Variants in PPP6R2 observed in about 807,000 individuals in gnomAD.
PPP6R2 encodes serine/threonine-protein phosphatase 6 regulatory subunit 2.
In PPP6R2, 62 loss-of-function variants were observed where a neutral mutation model predicts 100.2. The ratio of observed to expected loss-of-function variants is 0.62; its 90% confidence interval spans 0.50 to 0.76. The LOEUF (loss-of-function observed/expected upper bound fraction) is 0.76. Among genes scored for constraint, PPP6R2 ranks in the 30% least tolerant of loss-of-function variants. The pLI, the probability that PPP6R2 is intolerant of heterozygous loss-of-function variation, is 0.00. For synonymous variants in PPP6R2, 525 were observed against 514.7 expected (o/e 1.02, Z -0.27); for missense variants, 1,142 against 1,276.3 (o/e 0.89, Z 1.60).
intron 1 of PPP6R2, among the ~76,000 whole-genome samples, chr22:50,351,579 G>A (rs28849110): frequency 1.3e-5 from 2 of 151,996 alleles, no homozygotes; most frequent in East Asian, 3.9e-4. Context: ...TGTCCTAGCT[G>A]GATCTTCCAG....
At chr22:50,338,524 G>GGT (rs1338549117), upstream of PPP6R2, among the ~76,000 whole-genome samples, 740 of 131,756 alleles carry the variant, frequency 5.6e-3, 9 homozygotes, top group African/African-American at 0.02. Flanking sequence ...GTGTGTGTGC[G>GGT]GTGTGTGTGT....
At chr22:50,332,316 C>T in the PPP6R2 span, among the ~76,000 whole-genome samples, 2 of 151,832 alleles carry the variant, frequency 1.3e-5, no homozygotes, top group Middle Eastern at 3.4e-3. Flanking sequence ...CAAGCTCCGC[C>T]TCCCAGGTTC....
At position 50,444,702 on chromosome 22, in the gene PPP6R2, G is replaced by T. The variant is rs1603429707; in HGVS notation, c.*455G>T. The T allele has an allele frequency of 5.4e-6, 1 of 186,684 alleles. No individual in the cohort carries two copies. The highest frequency in any genetic ancestry group is 2.4e-5 in the African/African-American group (1 of 41,698). 11.6% of individuals were successfully genotyped at this position (186,684 alleles called of 1,614,324 possible). A position where few individuals can be genotyped will look rare whatever the true frequency, so the allele number is the denominator to read the frequency against. On this transcript the variant is annotated 3_prime_UTR_variant, in exon 24 of 24. Coordinates refer to ENST00000612753, the MANE Select transcript of PPP6R2 (RefSeq NM_001242898.2). ...ACTTTGTATCCAGCTGCAAGCTCAG[G>T]GCAGAGTCAAGGGCCTGGGTTGGAA... is the stretch of plus-strand genomic sequence containing the variant.
At chr22:50,416,071 A>G in intron 5 of PPP6R2, 21 bp from the exon 6 acceptor site, 1 of 1,605,058 alleles carries the variant, frequency 6.2e-7, no homozygotes, top group Non-Finnish European at 8.5e-7. Flanking sequence ...CGACACTGAA[A>G]GGCCTCTTTT....
intron 2 of PPP6R2, among the ~76,000 whole-genome samples, chr22:50,382,049 A>G (rs1398155462): frequency 6.6e-6 from 1 of 152,202 alleles, no homozygotes; most frequent in Non-Finnish European, 1.5e-5. Flanking sequence ...GATAATATAT[A>G]TTGAAAACTT....
chr22:50,422,256 CAG>C lies in PPP6R2; in HGVS notation c.851_852del (p.Glu284GlyfsTer96). The C allele has an allele frequency of 6.2e-7, 1 of 1,613,886 alleles. No individual in the cohort carries two copies. Among genetic ancestry groups the C allele is most frequent in the Non-Finnish European group, 8.5e-7 (1 of 1,179,846 alleles). On this transcript the variant is annotated frameshift_variant, in exon 9 of 24. Coordinates refer to ENST00000612753, the MANE Select transcript of PPP6R2 (RefSeq NM_001242898.2). LOFTEE classifies it high-confidence loss of function. Reference sequence around the variant, plus strand: ...CCATCTGCTTTCCTCATCCACAGGACAGAGGGCTTGGTGGACTCCTTTTCTCA... The same window carrying C: ...CCATCTGCTTTCCTCATCCACAGGACAGGGCTTGGTGGACTCCTTTTCTCA...
the PPP6R2 span, among the ~76,000 whole-genome samples, chr22:50,333,549 G>A: frequency 2.0e-5 from 3 of 152,114 alleles, no homozygotes; most frequent in Admixed American, 6.6e-5. Context: ...AGCCAGGATG[G>A]TCTCGATCTC....
chr22:50,379,872 C>G (rs1197009347), intron 2 of PPP6R2, among the ~76,000 whole-genome samples: 2 of 152,056 alleles, frequency 1.3e-5, no homozygotes, highest in African/African-American at 4.8e-5. Flanking sequence ...AACCCTGTCC[C>G]CTCCAAAAAA....
intron 10 of PPP6R2, among the ~76,000 whole-genome samples, chr22:50,429,260 A>G (rs2062726092): frequency 6.6e-6 from 1 of 152,078 alleles, no homozygotes; most frequent in Non-Finnish European, 1.5e-5. Flanking sequence ...TGAACTCCTG[A>G]CCTCAGGTGA....
chr22:50,342,613 T>C (rs983310905), upstream of PPP6R2, among the ~76,000 whole-genome samples: 2 of 152,258 alleles, frequency 1.3e-5, no homozygotes, highest in East Asian at 3.8e-4. Context: ...AAAAAACGTT[T>C]AGAGATCCCT....
At chr22:50,355,891 A>G (rs920470759) in intron 1 of PPP6R2, among the ~76,000 whole-genome samples, 1 of 151,644 alleles carries the variant, frequency 6.6e-6, no homozygotes, top group East Asian at 1.9e-4. Context: ...TCTTTTAAAA[A>G]GTGTACACAT....
the PPP6R2 span, among the ~76,000 whole-genome samples, chr22:50,336,392 T>C: frequency 0.017 from 2,516 of 152,264 alleles, 45 homozygotes; most frequent in Non-Finnish European, 0.024. Flanking sequence ...TTATTTTATT[T>C]TGAGATGGAG....
intron 17 of PPP6R2, 96 bp downstream of exon 17, chr22:50,437,996 G>T: frequency 5.9e-6 from 9 of 1,518,072 alleles, no homozygotes; most frequent in Middle Eastern, 1.7e-4. Flanking sequence ...GTGCGGTGGG[G>T]CTGGGAGAGG....
At chr22:50,419,235 C>G in intron 7 of PPP6R2, 114 bp from the exon 8 acceptor site, 1 of 957,212 alleles carries the variant, frequency 1.0e-6, no homozygotes, top group Non-Finnish European at 1.6e-6. Flanking sequence ...TTGCCTTGAG[C>G]CTGAGCAGGT....
chr22:50,402,606 C>T (rs7511513), intron 3 of PPP6R2, among the ~76,000 whole-genome samples: 51,379 of 151,898 alleles, frequency 0.34, 9,604 homozygotes, highest in East Asian at 0.74. Flanking sequence ...TTCACGTGGC[C>T]GGCTGCTTCA....
intron 2 of PPP6R2, among the ~76,000 whole-genome samples, chr22:50,373,855 T>C (rs1023626302): frequency 2.0e-5 from 3 of 152,208 alleles, no homozygotes; most frequent in Admixed American, 2.0e-4. Flanking sequence ...TGCGTCAGCC[T>C]CCCGAATAGC....
chr22:50,396,195 C>CA (rs528437459), intron 3 of PPP6R2, among the ~76,000 whole-genome samples: 14,945 of 51,446 alleles, frequency 0.29, 2,534 homozygotes, highest in South Asian at 0.37. Context: ...GACTCTGGCT[C>CA]AAAAAAAAAA....
chr22:50,419,113 GC>G, intron 7 of PPP6R2, 134 bp downstream of exon 7: 1 of 812,456 alleles, frequency 1.2e-6, no homozygotes, highest in Non-Finnish European at 2.0e-6. Context: ...CAGGTTCAGA[GC>G]CCATGTTAAC....
chr22:50,423,603 G>C lies in PPP6R2; in HGVS notation c.1114G>C (p.Asp372His). ...NQELCRLNTM[D>H]LLLDLFFKYT... ...GGAGCTCTGCCGGCTCAACACGATG[G>C]ACTTACTGCTGGTAAGTGGGCCCCT... Residue 372 changes from aspartate to histidine, a missense_variant, in exon 10 of 24, where the codon GAC (aspartate) becomes CAC (histidine). By Grantham distance (81) the Asp-to-His change is moderately conservative. Around this residue, in one of 2 missense-constraint regions of PPP6R2, gnomAD observed 592 missense variants for 758.9 expected, o/e 0.78. Transcript: ENST00000612753. This position sits in a 1 kb window ranked among gnomAD's most constrained non-coding sequence, Gnocchi z 4.8. 6.2e-7 allele frequency: 1 copy of C among 1,614,136 alleles called. No individual in the cohort carries two copies. The highest frequency in any genetic ancestry group is 1.1e-5 in the South Asian group (1 of 91,086).
Sources: allele counts gnomAD v4.1 joint callset (sites outside exome capture counted in the v4.1 genomes callset), GRCh38; gene constraint gnomAD v4.1.1; regional missense constraint gnomAD v4.1.1; non-coding constraint Gnocchi (gnomAD v3.1); transcripts MANE v1.5; gene names NCBI Gene and HGNC (gene_info 2026-07-23, HGNC 2026-07-21).